The following FGD4 variants were observed in gnomAD, a reference collection of about 807,000 sequenced individuals.
FGD4 encodes FYVE, RhoGEF and PH domain-containing protein 4.
A neutral mutation model predicts 102.0 loss-of-function variants in FGD4; 42 were observed. That is an observed-to-expected ratio of 0.41 (90% confidence interval 0.32 to 0.53). The LOEUF (loss-of-function observed/expected upper bound fraction) is 0.53. FGD4 is among the 20% of genes least tolerant of loss of function. The pLI is 0.21. For missense variants in FGD4, 902 were observed against 1,078.2 expected (o/e 0.84, Z 2.29); for synonymous variants, 380 against 375.7 (o/e 1.01, Z -0.13).
intron 1 of FGD4, among the ~76,000 whole-genome samples, chr12:32,474,830 G>T (rs1230375192): frequency 6.6e-6 from 1 of 152,166 alleles, no homozygotes; most frequent in East Asian, 1.9e-4. Flanking sequence ...CTTGAGCCCA[G>T]GAGGTTGAGG....
chr12:32,408,276 CT>C (rs1450178062), intron 1 of FGD4, among the ~76,000 whole-genome samples: 3 of 150,896 alleles, frequency 2.0e-5, no homozygotes, highest in Non-Finnish European at 2.9e-5. Context: ...TCAAGCAATT[CT>C]CCTGCCTCAG....
chr12:32,587,697 T>C (rs1408154696), intron 4 of FGD4, among the ~76,000 whole-genome samples: 1 of 152,172 alleles, frequency 6.6e-6, no homozygotes, highest in Non-Finnish European at 1.5e-5. Context: ...GACACATCAC[T>C]TTAACAAACT....
At chr12:32,633,747 GCTCT>G in intron 15 of FGD4, 58 bp downstream of exon 15, 1 of 1,469,256 alleles carries the variant, frequency 6.8e-7, no homozygotes, top group Non-Finnish European at 9.3e-7. Context: ...ACGGACTCTC[GCTCT>G]GTCACCCAGG....
At chr12:32,489,837 A>C (rs1037313278) in intron 1 of FGD4, among the ~76,000 whole-genome samples, 6 of 152,158 alleles carry the variant, frequency 3.9e-5, no homozygotes, top group African/African-American at 1.4e-4. Flanking sequence ...TTGGCCTATT[A>C]AAAACTTTTT....
At chr12:32,579,588 T>G (rs78107333) in intron 3 of FGD4, 79 of 152,324 alleles carry the variant, frequency 5.2e-4, no homozygotes, top group African/African-American at 1.9e-3. Context: ...ATGCTTAAAT[T>G]TGTTTCAGAG....
Position 32,641,199 on chromosome 12 carries a change from CTA to C in FGD4, c.*667_*668del, listed in dbSNP as rs1177692882. ...CATGCTTTTAGGTTCACATTCATCTCTAATTTATTTTTTAAATATAAAGCATG... is the reference window on the plus strand; with the variant it reads ...CATGCTTTTAGGTTCACATTCATCTCATTTATTTTTTAAATATAAAGCATG... On this transcript the variant is annotated 3_prime_UTR_variant, in exon 17 of 17. Transcript: ENST00000534526. The C allele has an allele frequency of 1.3e-5, 2 of 151,880 alleles. No individual in the cohort carries two copies. The highest frequency in any genetic ancestry group is 6.6e-5 in the Admixed American group (1 of 15,230). 9.4% of individuals were successfully genotyped at this position (151,880 alleles called of 1,614,324 possible).
intron 6 of FGD4, 94 bp from the exon 7 acceptor site, chr12:32,602,067 A>T: frequency 8.8e-7 from 1 of 1,138,282 alleles, no homozygotes; most frequent in Non-Finnish European, 1.3e-6. Flanking sequence ...GTGAGCTGTG[A>T]TAATGCCACT....
At chr12:32,583,767 C>G (rs976828245) in intron 4 of FGD4, among the ~76,000 whole-genome samples, 4 of 152,210 alleles carry the variant, frequency 2.6e-5, no homozygotes, top group African/African-American at 9.6e-5. Flanking sequence ...TACTTGGTAA[C>G]ATTATCTGAA....
At chr12:32,554,124 C>G (rs552254747) in intron 1 of FGD4, among the ~76,000 whole-genome samples, 1 of 152,168 alleles carries the variant, frequency 6.6e-6, no homozygotes, top group East Asian at 1.9e-4. Flanking sequence ...AACATTCAGT[C>G]AATAACTGGG....
chr12:32,493,529 C>G (rs1049775231), intron 1 of FGD4, among the ~76,000 whole-genome samples: 20 of 152,244 alleles, frequency 1.3e-4, no homozygotes, highest in Admixed American at 6.5e-5. Flanking sequence ...CACCCACCTC[C>G]ACTCCATTAG....
intron 7 of FGD4, among the ~76,000 whole-genome samples, chr12:32,603,792 A>G (rs369149123): frequency 6.6e-6 from 1 of 150,576 alleles, no homozygotes; most frequent in African/African-American, 2.4e-5. Context: ...AGCCTTGAAC[A>G]CTTGGGCTTG....
intron 1 of FGD4, among the ~76,000 whole-genome samples, chr12:32,422,535 T>C (rs113133796): frequency 0.058 from 8,799 of 151,826 alleles, 369 homozygotes; most frequent in Middle Eastern, 0.13. Flanking sequence ...CCTGACGTTG[T>C]GATCCACCCG....
chr12:32,433,192 T>G (rs1942113283), intron 1 of FGD4, among the ~76,000 whole-genome samples: 1 of 152,006 alleles, frequency 6.6e-6, no homozygotes. Flanking sequence ...AGATTGGGTT[T>G]CCCCATGTTG....
Position 32,629,047 on chromosome 12 carries a change from TATTGGTGGACACAAG to T in FGD4, c.2172+3269_2172+3283del, listed in dbSNP as rs564397355. Among the ~76,000 whole-genome samples the T allele has an allele frequency of 9.8e-4, 149 of 152,272 alleles. 1 individual carries two copies. Among genetic ancestry groups the T allele is most frequent in the African/African-American group, 3.2e-3 (131 of 41,558 alleles). ...TCACCCTGAAGATACACATGTTATA[TATTGGTGGACACAAG>T]CTGCTTGGTATTGGAGTAAGCACTG... On this transcript the variant is annotated intron_variant, in intron 14 of 16. Coordinates refer to ENST00000534526, the MANE Select transcript of FGD4 (RefSeq NM_001370298.3).
At chr12:32,450,868 C>T (rs953031933) in intron 1 of FGD4, among the ~76,000 whole-genome samples, 1 of 152,140 alleles carries the variant, frequency 6.6e-6, no homozygotes, top group African/African-American at 2.4e-5. Flanking sequence ...TTCCTTTATC[C>T]CTAACTTACT....
intron 1 of FGD4, among the ~76,000 whole-genome samples, chr12:32,540,494 G>T (rs943390569): frequency 3.9e-5 from 6 of 152,024 alleles, no homozygotes; most frequent in Admixed American, 1.3e-4. Context: ...AGTGTTAGGG[G>T]TGCATAGTTC....
chr12:32,426,969 G>A (rs1257623399), intron 1 of FGD4, among the ~76,000 whole-genome samples: 3 of 150,300 alleles, frequency 2.0e-5, no homozygotes, highest in African/African-American at 7.3e-5. Flanking sequence ...TTCTTTCTTA[G>A]TCTGGCTAGT....
chr12:32,407,214 C>G lies in FGD4; in HGVS notation c.166+7255C>G, dbSNP rs187618233. On this transcript the variant is annotated intron_variant, in intron 1 of 16. Transcript: ENST00000534526. The stretch of plus-strand genomic sequence containing the variant: ...GATCTCGGCTCACTGCAACCTCCCC[C>G]TCCCGGGTTCAAATGATTCTCCTGC... 6.1e-3 allele frequency among the ~76,000 whole-genome samples: 918 copies of G among 151,544 alleles called. 8 individuals carry two copies. Among genetic ancestry groups the G allele is most frequent in the African/African-American group, 0.021 (862 of 41,254 alleles).
chr12:32,489,661 A>G (rs1425098843), intron 1 of FGD4, among the ~76,000 whole-genome samples: 3 of 152,176 alleles, frequency 2.0e-5, no homozygotes, highest in Admixed American at 2.0e-4. Context: ...TCCTTGTATA[A>G]CAGGTGCTTA....
Sources: allele counts gnomAD v4.1 joint callset (sites outside exome capture counted in the v4.1 genomes callset), GRCh38; gene constraint gnomAD v4.1.1; transcripts MANE v1.5; gene names NCBI Gene and HGNC (gene_info 2026-07-23, HGNC 2026-07-21).